SACS: variants seen among roughly 807,000 people sequenced by gnomAD.
SACS encodes the protein sacsin.
A neutral mutation model predicts 348.0 loss-of-function variants in SACS; 197 were observed. The ratio of observed to expected loss-of-function variants is 0.57; its 90% CI spans 0.50 to 0.64. The LOEUF is 0.64. Among genes scored for constraint, SACS ranks in the 30% least tolerant of loss-of-function variants. The probability of loss-of-function intolerance (pLI) is 0.00; values close to 1 mark genes in which losing one functional copy is unlikely to be tolerated. For synonymous variants in SACS, 1,985 were observed against 1,910.6 expected (o/e 1.04, Z -1.02); for missense variants, 4,999 against 5,360.8 (o/e 0.93, Z 2.11).
chr13:23,338,308 G>A lies in SACS; in HGVS notation c.5568C>T (p.Ile1856=), dbSNP rs529305930. ...GTTTCACTGTCCACTTCTGGTCCTG[G>A]ATTTCTGACAGCTGAACTCCTACTG... The part of the protein sequence containing the change: ...CGAVGVQLSE[I]QDQKWTVKPH... The change falls in exon 10 of 10, where the codon ATC becomes ATT. Residue 1856 remains isoleucine, a synonymous_variant. Transcript: ENST00000382292. The A allele has an allele frequency of 6.2e-7, 1 of 1,614,082 alleles. No homozygotes were observed. The highest frequency in any genetic ancestry group is 2.2e-5 in the East Asian group (1 of 44,870).
At chr13:23,375,358 C>A in intron 2 of SACS, 89 bp from the exon 3 acceptor site, 1 of 1,272,510 alleles carries the variant, frequency 7.9e-7, no homozygotes, top group Non-Finnish European at 9.9e-7. Flanking sequence ...TTACCTCTCC[C>A]ACATCGCGGC....
chr13:23,363,561 T>C (rs920052324), intron 6 of SACS, among the ~76,000 whole-genome samples: 6 of 152,210 alleles, frequency 3.9e-5, no homozygotes, highest in African/African-American at 1.4e-4. Context: ...TTAAAGAGCC[T>C]ATCTCTAAAT....
chr13:23,391,403 T>C (rs1261709349), intron 2 of SACS, among the ~76,000 whole-genome samples: 1 of 152,148 alleles, frequency 6.6e-6, no homozygotes. Context: ...CTGTGGTCAC[T>C]TTGGTTGCAG....
intron 2 of SACS, among the ~76,000 whole-genome samples, chr13:23,395,126 C>A (rs1039828905): frequency 2.1e-4 from 27 of 129,394 alleles, no homozygotes; most frequent in African/African-American, 6.5e-4. Flanking sequence ...GAGTCCTGGG[C>A]TTCCCTGTTT....
chr13:23,334,419 A>G lies in SACS; in HGVS notation c.9457T>C (p.Leu3153=). Residue 3153 remains leucine, a synonymous_variant, in exon 10 of 10, where the codon TTG becomes CTG. Coordinates refer to ENST00000382292, the MANE Select transcript of SACS (RefSeq NM_014363.6). ...AEENEIEVEG[L]PLLITLDSVL... is the part of the protein sequence containing the mutation. ...CTGTCCAGTGTGATGAGAAGGGGCA[A>G]TCCCTCAACTTCAATCTCATTTTCT... 1 of 1,612,796 alleles carries G rather than the reference A, an allele frequency of 6.2e-7. No homozygotes were observed. Among genetic ancestry groups the G allele is most frequent in the African/African-American group, 1.3e-5 (1 of 75,014 alleles).
intron 9 of SACS, among the ~76,000 whole-genome samples, chr13:23,349,595 G>T (rs79340601): frequency 0.026 from 4,028 of 152,250 alleles, 99 homozygotes; most frequent in East Asian, 0.11. Context: ...CTGATCTGCT[G>T]CAATAACACA....
intron 4 of SACS, among the ~76,000 whole-genome samples, chr13:23,370,469 A>C (rs34003697): frequency 0.086 from 13,109 of 152,092 alleles, 731 homozygotes; most frequent in South Asian, 0.13. Context: ...AAGAGTAATT[A>C]ATATCAGATC....
chr13:23,421,973 A>T (rs866279570), intron 1 of SACS, among the ~76,000 whole-genome samples: 2 of 151,986 alleles, frequency 1.3e-5, no homozygotes, highest in South Asian at 4.2e-4. Flanking sequence ...CCTGATATCC[A>T]TCTGGGGCCT....
intron 2 of SACS, among the ~76,000 whole-genome samples, chr13:23,388,546 AAAAC>A (rs1872400341): frequency 6.6e-6 from 1 of 150,420 alleles, no homozygotes; most frequent in East Asian, 1.9e-4. Flanking sequence ...AGCCATTAAA[AAAAC>A]AAACAAATAA....
chr13:23,378,985 T>C (rs1367059645), intron 2 of SACS, among the ~76,000 whole-genome samples: 1 of 152,172 alleles, frequency 6.6e-6, no homozygotes, highest in East Asian at 1.9e-4. Flanking sequence ...GATGCACTTG[T>C]TCCTTTTTTC....
At chr13:23,375,570 G>GC (rs1871736544) in intron 2 of SACS, 8 of 1,029,236 alleles carry the variant, frequency 7.8e-6, no homozygotes, top group Non-Finnish European at 9.3e-6. Flanking sequence ...CGCGCTCCCG[G>GC]CCCACTCCCG....
Position 23,368,426 on chromosome 13 carries a change from A to G in SACS, c.321T>C (p.Tyr107=), listed in dbSNP as rs370370098. 29 of 1,612,718 alleles carry G rather than the reference A, an allele frequency of 1.8e-5. No individual in the cohort carries two copies. The highest frequency in any genetic ancestry group is 3.3e-4 in the Middle Eastern group (2 of 6,080). The change falls in exon 5 of 10, where the codon TAT becomes TAC. Residue 107 remains tyrosine (Y), a synonymous_variant. Coordinates refer to ENST00000382292, the MANE Select transcript of SACS (RefSeq NM_014363.6). Reference sequence around the variant, plus strand: ...CCTTAAGAATCTGTCCTCCTTCTGGATATCTTCTCAAAATGTCCTTGAGAA... The same window carrying G: ...CCTTAAGAATCTGTCCTCCTTCTGGGTATCTTCTCAAAATGTCCTTGAGAA... ...VDFLKDILRR[Y]PEGGQILKEL...
intron 6 of SACS, among the ~76,000 whole-genome samples, chr13:23,363,376 C>T (rs1249694482): frequency 1.3e-5 from 2 of 151,696 alleles, no homozygotes; most frequent in African/African-American, 2.4e-5. Flanking sequence ...TACAGGTGCC[C>T]GCCACCACAC....
chr13:23,333,729 C>G lies in SACS; in HGVS notation c.10147G>C (p.Asp3383His), dbSNP rs978596048. ...TFRAEKLVEN[D>H]FEALLMYFNC... is the part of the protein sequence containing the mutation. ...AAATACATCAAAAGTGCCTCAAAAT[C>G]ATTTTCTACTAATTTTTCTGCTCTA... Residue 3383 changes from aspartate (D) to histidine (H), a missense_variant, in exon 10 of 10, where the codon GAT (aspartate) becomes CAT (histidine). Around this residue, in one of 6 missense-constraint regions of SACS, gnomAD observed 734 missense variants for 694.0 expected, o/e 1.06. Coordinates refer to ENST00000382292, the MANE Select transcript of SACS (RefSeq NM_014363.6). The G allele has an allele frequency of 6.2e-7, 1 of 1,613,624 alleles. No homozygotes were observed. The highest frequency in any genetic ancestry group is 8.5e-7 in the Non-Finnish European group (1 of 1,179,780).
At chr13:23,390,320 A>AT (rs1872481644) in intron 2 of SACS, among the ~76,000 whole-genome samples, 1 of 152,258 alleles carries the variant, frequency 6.6e-6, no homozygotes, top group Middle Eastern at 3.4e-3. Context: ...CCAAGTTACC[A>AT]TTTCTACATG....
chr13:23,400,100 G>GGGAAGGAA (rs147847351), intron 2 of SACS, among the ~76,000 whole-genome samples: 1 of 151,874 alleles, frequency 6.6e-6, no homozygotes, highest in African/African-American at 2.4e-5. Context: ...TCCTGGATCT[G>GGGAAGGAA]GGAAGGAAGG....
chr13:23,345,789 A>G (rs1869560165), intron 9 of SACS, among the ~76,000 whole-genome samples: 1 of 152,224 alleles, frequency 6.6e-6, no homozygotes, highest in Admixed American at 6.5e-5. Flanking sequence ...GCTTCAAATA[A>G]TAACATTTAT....
chr13:23,332,904 G>A lies in SACS; in HGVS notation c.10972C>T (p.Arg3658Trp), dbSNP rs115155117. The change falls in exon 10 of 10, where the codon CGG (arginine) becomes TGG (tryptophan). Residue 3658 changes from arginine (R) to tryptophan (W), a missense_variant. By Grantham distance (101) the Arg-to-Trp change is moderately radical. Around this residue, in one of 6 missense-constraint regions of SACS, gnomAD observed 831 missense variants for 941.8 expected, o/e 0.88. Coordinates refer to ENST00000382292, the MANE Select transcript of SACS (RefSeq NM_014363.6). ...AATCTAATGAATTCCGCGGGGGCCC[G>A]CTCAGGACATAAGAATGGTATTAAA... ...LSLIPFLCPE[R>W]APAEFIRFHP... The A allele has an allele frequency of 1.4e-4, 226 of 1,613,788 alleles. No individual in the cohort carries two copies. In the African/African-American group the frequency reaches 2.0e-3, roughly 14 times the overall value.
intron 9 of SACS, among the ~76,000 whole-genome samples, chr13:23,348,494 G>A (rs902802024): frequency 2.0e-5 from 3 of 152,174 alleles, no homozygotes; most frequent in Admixed American, 6.5e-5. Context: ...CCAGACCTTG[G>A]AAATATAAAA....
Sources: gnomAD v4.1 joint callset for allele counts (sites outside exome capture counted in the v4.1 genomes callset) on GRCh38, gnomAD v4.1.1 for gene constraint, gnomAD v4.1.1 regional missense constraint, MANE v1.5 for transcripts, NCBI Gene and HGNC (gene_info 2026-07-23, HGNC 2026-07-21) for gene names.